SORCS2: variants seen among roughly 807,000 people sequenced by gnomAD.
The protein encoded by SORCS2 is sortilin related VPS10 domain containing receptor 2.
SORCS2 carries 100 observed loss-of-function variants against 141.6 expected under a neutral mutation model. The observed-to-expected ratio is 0.71, with a 90% CI of 0.60 to 0.83. The LOEUF (loss-of-function observed/expected upper bound fraction) is 0.83, where lower values mean the gene tolerates loss of function less well. Ranked by LOEUF, SORCS2 falls within the 40% of genes least tolerant of loss-of-function variation. The pLI is 0.00. For synonymous variants in SORCS2, 789 were observed against 676.9 expected (o/e 1.17, Z -2.57); for missense variants, 1,646 against 1,560.2 (o/e 1.05, Z -0.93).
chr4:7,327,606 T>C (rs569593424), intron 1 of SORCS2, among the ~76,000 whole-genome samples: 217 of 152,358 alleles, frequency 1.4e-3, no homozygotes, highest in African/African-American at 5.0e-3. Flanking sequence ...CGTGTGTCCC[T>C]GTCCCAGAAC....
At position 7,729,797 on chromosome 4, in the gene SORCS2, T is replaced by C. The variant is rs1416783284; in HGVS notation, c.3108+85T>C. The C allele has an allele frequency of 1.4e-5, 21 of 1,519,378 alleles. No individual in the cohort carries two copies. The South Asian group carries it at 2.6e-4, about 19-fold the overall frequency. 94.1% of individuals were successfully genotyped at this position (1,519,378 alleles called of 1,614,324 possible). A position where few individuals can be genotyped will look rare whatever the true frequency, so the allele number is the denominator to read the frequency against. ...TTTACAACAAGCAGGGACGTCTCAGTGGCTCATGGCATAAAGGCGTCTTTC... is the reference window on the plus strand; with the variant it reads ...TTTACAACAAGCAGGGACGTCTCAGCGGCTCATGGCATAAAGGCGTCTTTC... On this transcript the variant is annotated intron_variant, in intron 23 of 26. Transcript: ENST00000507866.
At chr4:7,204,008 G>T (rs996150647) in intron 1 of SORCS2, among the ~76,000 whole-genome samples, 1 of 152,016 alleles carries the variant, frequency 6.6e-6, no homozygotes, top group Non-Finnish European at 1.5e-5. Context: ...CTTTTTTTAC[G>T]GCTGAGTAAT....
intron 2 of SORCS2, among the ~76,000 whole-genome samples, chr4:7,450,777 GTGAATGAGGGAATGAA>G (rs1437871310): frequency 2.6e-5 from 4 of 152,192 alleles, no homozygotes; most frequent in Non-Finnish European, 4.4e-5. Flanking sequence ...AAATGAGAGA[GTGAATGAGGGAATGAA>G]TGAATGAGGG....
chr4:7,710,704 C>T (rs1725773387), intron 14 of SORCS2, among the ~76,000 whole-genome samples: 1 of 152,156 alleles, frequency 6.6e-6, no homozygotes, highest in African/African-American at 2.4e-5. Context: ...GAGCCAAGAC[C>T]ACTCACAGCC....
At chr4:7,420,916 C>T (rs1375947925) in intron 2 of SORCS2, among the ~76,000 whole-genome samples, 1 of 152,202 alleles carries the variant, frequency 6.6e-6, no homozygotes, top group Non-Finnish European at 1.5e-5. Context: ...CTCTGCCCGC[C>T]TGTCTCCTCT....
At chr4:7,424,946 T>C (rs1422640904) in intron 2 of SORCS2, among the ~76,000 whole-genome samples, 1 of 152,226 alleles carries the variant, frequency 6.6e-6, no homozygotes, top group Non-Finnish European at 1.5e-5. Flanking sequence ...GCATGGGTGC[T>C]GTGCCCCGGA....
At chr4:7,509,478 G>T (rs1289011913) in intron 2 of SORCS2, among the ~76,000 whole-genome samples, 1 of 152,190 alleles carries the variant, frequency 6.6e-6, no homozygotes, top group Non-Finnish European at 1.5e-5. Flanking sequence ...GCACAGCCAG[G>T]ACGCATGTGT....
chr4:7,373,474 ATATATTTTTT>A (rs1332245544), intron 1 of SORCS2, among the ~76,000 whole-genome samples: 2 of 52,448 alleles, frequency 3.8e-5, no homozygotes, highest in Non-Finnish European at 5.8e-5. Context: ...ATATATATAT[ATATATTTTTT>A]TTTTTTTTTT....
At chr4:7,672,155 C>G (rs1722838803) in intron 8 of SORCS2, among the ~76,000 whole-genome samples, 3 of 152,074 alleles carry the variant, frequency 2.0e-5, no homozygotes, top group Non-Finnish European at 4.4e-5. Flanking sequence ...GTTGGCTAGG[C>G]TGGTCTAGAA....
intron 3 of SORCS2, among the ~76,000 whole-genome samples, chr4:7,597,317 G>C (rs1287034179): frequency 1.1e-4 from 17 of 151,408 alleles, no homozygotes; most frequent in Admixed American, 9.2e-4. Flanking sequence ...TCTTGCAATG[G>C]GGAAGGGACT....
intron 2 of SORCS2, among the ~76,000 whole-genome samples, chr4:7,402,139 G>C (rs13132744): frequency 0.18 from 27,824 of 152,046 alleles, 2,842 homozygotes; most frequent in Non-Finnish European, 0.23. Context: ...CACCAGAGCC[G>C]AGTCCAGCTC....
intron 25 of SORCS2, among the ~76,000 whole-genome samples, chr4:7,735,897 G>A (rs1712128297): frequency 6.6e-6 from 1 of 151,894 alleles, no homozygotes; most frequent in South Asian, 2.1e-4. Context: ...TGGCAGGGGC[G>A]GCCTTCGAGC....
At chr4:7,375,825 G>C (rs1577465563) in intron 1 of SORCS2, among the ~76,000 whole-genome samples, 1 of 152,204 alleles carries the variant, frequency 6.6e-6, no homozygotes, top group African/African-American at 2.4e-5. Flanking sequence ...TGGGGTTTGT[G>C]TCGAGTGCAA....
Position 7,704,205 on chromosome 4 carries a change from A to G in SORCS2, c.1789A>G (p.Ser597Gly). 3 of 1,612,986 alleles carry G rather than the reference A, an allele frequency of 1.9e-6. No individual in the cohort carries two copies. Among genetic ancestry groups the G allele is most frequent in the East Asian group, 2.2e-5 (1 of 44,858 alleles). The change falls in exon 14 of 27, where the codon AGC becomes GGC. Residue 597 changes from serine to glycine, a missense_variant. By Grantham distance (56) the Ser-to-Gly change is moderately conservative (BLOSUM62 0). Coordinates refer to ENST00000507866, the MANE Select transcript of SORCS2 (RefSeq NM_020777.3). ...CAGTGTGGACGAGGGCCTCACCTGG[A>G]GCACGCACAACTTCACCAGCACCTC... The part of the protein sequence containing the change: ...KFSVDEGLTW[S>G]THNFTSTSVF...
At chr4:7,414,544 C>A (rs1725536466) in intron 2 of SORCS2, among the ~76,000 whole-genome samples, 1 of 151,986 alleles carries the variant, frequency 6.6e-6, no homozygotes, top group Admixed American at 6.5e-5. Flanking sequence ...AGCTAATGCT[C>A]AAAATTCTCT....
intron 1 of SORCS2, among the ~76,000 whole-genome samples, chr4:7,257,065 A>T (rs1713936493): frequency 6.6e-6 from 1 of 152,136 alleles, no homozygotes; most frequent in Non-Finnish European, 1.5e-5. Flanking sequence ...AAGTTTTGCT[A>T]TTTTAACATC....
chr4:7,228,616 G>A (rs1012016426), intron 1 of SORCS2, among the ~76,000 whole-genome samples: 1 of 152,208 alleles, frequency 6.6e-6, no homozygotes, highest in Non-Finnish European at 1.5e-5. Context: ...GTGAGGAGTG[G>A]AGAAGGGGCC....
chr4:7,293,293 G>C (rs1716738297), intron 1 of SORCS2, among the ~76,000 whole-genome samples: 1 of 147,734 alleles, frequency 6.8e-6, no homozygotes, highest in African/African-American at 2.5e-5. Flanking sequence ...GAAAGAGCAA[G>C]ACTCCATCTA....
intron 3 of SORCS2, among the ~76,000 whole-genome samples, chr4:7,569,795 T>G (rs972174404): frequency 6.6e-6 from 1 of 152,182 alleles, no homozygotes; most frequent in African/African-American, 2.4e-5. Context: ...TGCAGTGAGG[T>G]GCAGTGTGAA....
Sources: gnomAD v4.1 joint callset for allele counts (sites outside exome capture counted in the v4.1 genomes callset) on GRCh38, gnomAD v4.1.1 for gene constraint, MANE v1.5 for transcripts, NCBI Gene and HGNC (gene_info 2026-07-23, HGNC 2026-07-21) for gene names.